Variants in MAOB observed in about 807,000 individuals in gnomAD.
MAOB encodes the protein amine oxidase [flavin-containing] B.
MAOB carries 15 observed loss-of-function variants against 41.9 expected under a neutral mutation model. That is an observed-to-expected ratio of 0.36 (90% confidence interval 0.24 to 0.55). The LOEUF (loss-of-function observed/expected upper bound fraction) is 0.55. Among genes scored for constraint, MAOB ranks in the 20% least tolerant of loss-of-function variants. MAOB has a pLI of 0.86. For missense variants in MAOB, 345 were observed against 398.7 expected, an observed-to-expected ratio of 0.87 and a Z score of 1.15; for synonymous variants, 167 against 144.2, an observed-to-expected ratio of 1.16 and a Z score of -1.13.
At chrX:43,780,434 G>C in intron 9 of MAOB, 39 bp from the exon 10 acceptor site, 2 of 1,055,664 alleles carry the variant, frequency 1.9e-6, no homozygotes, top group Non-Finnish European at 2.6e-6. Context: ...GAAATTAATG[G>C]TTGGTTTCAT....
Position 43,869,805 on chromosome X carries a change from G to A in MAOB, c.46+12449C>T, listed in dbSNP as rs140800061. ...AGTAGCACATATCAAAAGGTTCATC[G>A]TCAAAACCCTACAGAACACCCCCTC... On this transcript the variant is annotated intron_variant, in intron 1 of 14. Transcript: ENST00000378069. Among the ~76,000 whole-genome samples the A allele has an allele frequency of 8.1e-5, 9 of 111,585 alleles. No homozygotes were observed. In the East Asian group the frequency reaches 1.7e-3, roughly 21 times the overall value.
At chrX:43,814,800 TAAG>T (rs2034788818) in intron 3 of MAOB, among the ~76,000 whole-genome samples, 1 of 112,299 alleles carries the variant, frequency 8.9e-6, no homozygotes. Flanking sequence ...AGTACTAAAA[TAAG>T]AAGAATTCTT....
chrX:43,876,040 C>T (rs1347736694), intron 1 of MAOB, among the ~76,000 whole-genome samples: 2 of 111,502 alleles, frequency 1.8e-5, no homozygotes, highest in Non-Finnish European at 3.8e-5. Context: ...CTCACTGTAA[C>T]CTCTGCCTCC....
chrX:43,839,629 T>C (rs2035109777), intron 2 of MAOB, among the ~76,000 whole-genome samples: 2 of 112,168 alleles, frequency 1.8e-5, no homozygotes, highest in East Asian at 5.6e-4. Context: ...ATGGTCCTTC[T>C]CTTCTGTTTT....
intron 3 of MAOB, among the ~76,000 whole-genome samples, chrX:43,806,415 T>C: frequency 8.9e-6 from 1 of 112,092 alleles, no homozygotes; most frequent in Non-Finnish European, 1.9e-5. Context: ...AAGTTACTTT[T>C]TTCATTTTTA....
At chrX:43,787,718 T>C (rs1159907298) in intron 8 of MAOB, among the ~76,000 whole-genome samples, 1 of 112,137 alleles carries the variant, frequency 8.9e-6, no homozygotes, top group African/African-American at 3.2e-5. Flanking sequence ...GTGAAAAAGG[T>C]CAGTGGAACA....
intron 2 of MAOB, 101 bp from the exon 3 acceptor site, chrX:43,839,106 G>A: frequency 1.7e-6 from 1 of 605,477 alleles, no homozygotes; most frequent in Admixed American, 4.1e-5. Flanking sequence ...ACAAGTTATA[G>A]ATACAGCTTA....
At chrX:43,871,923 T>C (rs750315423) in intron 1 of MAOB, among the ~76,000 whole-genome samples, 4 of 111,309 alleles carry the variant, frequency 3.6e-5, no homozygotes, top group Non-Finnish European at 5.7e-5. Context: ...AGGATTTGAA[T>C]GCAAAATACA....
chrX:43,840,924 G>A (rs1204871539), intron 2 of MAOB, among the ~76,000 whole-genome samples: 1 of 104,444 alleles, frequency 9.6e-6, no homozygotes, highest in Non-Finnish European at 2.0e-5. Flanking sequence ...TATCCAAGTG[G>A]TGCCTGGAAC....
intron 12 of MAOB, among the ~76,000 whole-genome samples, 198 bp downstream of exon 12, chrX:43,774,977 C>A (rs910062097): frequency 9.1e-6 from 1 of 109,443 alleles, no homozygotes; most frequent in Non-Finnish European, 1.9e-5. Flanking sequence ...AAAGCAGCAC[C>A]ATGATGTATG....
chrX:43,853,286 A>AG (rs1333236610), intron 1 of MAOB, among the ~76,000 whole-genome samples: 18 of 107,999 alleles, frequency 1.7e-4, no homozygotes, highest in Non-Finnish European at 3.3e-4. Flanking sequence ...AAAAAAAAAA[A>AG]AAAGAAAAGA....
chrX:43,767,360 C>CTTTAATTATT lies in MAOB; in HGVS notation c.*105_*106insAATAATTAAA. ...TTGGATTTATCTTCATGCTCCCCGC[C>CTTTAATTATT]TCACTCCACACTATTTGTCTTCATG... is the stretch of plus-strand genomic sequence containing the variant. On this transcript the variant is annotated 3_prime_UTR_variant, in exon 15 of 15. Transcript: ENST00000378069. The CTTTAATTATT allele has an allele frequency of 1.3e-6, 1 of 796,248 alleles. No individual in the cohort carries two copies. Among genetic ancestry groups the CTTTAATTATT allele is most frequent in the Admixed American group, 3.3e-5 (1 of 30,235 alleles). The allele number at this position is 796,248 out of a possible 1,213,427, so 65.6% of individuals were successfully genotyped here.
At chrX:43,790,871 G>A (rs1350768254) in intron 8 of MAOB, among the ~76,000 whole-genome samples, 1 of 111,878 alleles carries the variant, frequency 8.9e-6, no homozygotes, top group African/African-American at 3.3e-5. Flanking sequence ...CTGGCACATA[G>A]CAGGCCTAAG....
intron 1 of MAOB, among the ~76,000 whole-genome samples, chrX:43,856,875 C>T (rs1041631339): frequency 1.9e-5 from 2 of 106,773 alleles, no homozygotes; most frequent in East Asian, 3.0e-4. Flanking sequence ...TAAGTGGACC[C>T]GAGCAGTTCA....
chrX:43,867,675 T>C (rs2035374413), intron 1 of MAOB, among the ~76,000 whole-genome samples: 1 of 112,521 alleles, frequency 8.9e-6, no homozygotes, highest in South Asian at 3.7e-4. Flanking sequence ...ACATTCCTTT[T>C]CTTATCATGC....
At position 43,786,952 on chromosome X, in the gene MAOB, C is replaced by T. The variant is rs772701068; in HGVS notation, c.929-5408G>A. On this transcript the variant is annotated intron_variant, in intron 8 of 14. Transcript: ENST00000378069. Reference sequence around the variant, plus strand: ...AGAAAGCTCAAGAGCCCCACCCATGCACACAAAACATCTCATCAGCTTTGT... The same window carrying T: ...AGAAAGCTCAAGAGCCCCACCCATGTACACAAAACATCTCATCAGCTTTGT... 6.3e-5 allele frequency among the ~76,000 whole-genome samples: 7 copies of T among 111,801 alleles called. No homozygotes were observed. The East Asian group carries it at 2.0e-3, about 32-fold the overall frequency.
intron 8 of MAOB, 100 bp downstream of exon 8, chrX:43,793,318 CT>C: frequency 1.6e-6 from 1 of 623,016 alleles, no homozygotes; most frequent in South Asian, 3.3e-5. Context: ...ACATGTACCC[CT>C]GAATCTAAAA....
intron 1 of MAOB, among the ~76,000 whole-genome samples, chrX:43,873,901 T>C (rs753702387): frequency 2.3e-4 from 26 of 111,487 alleles, no homozygotes; most frequent in African/African-American, 7.2e-4. Context: ...GGGCTCGGTC[T>C]CCTGACCTCG....
intron 8 of MAOB, among the ~76,000 whole-genome samples, chrX:43,784,397 CT>C (rs1220084134): frequency 2.7e-5 from 3 of 112,438 alleles, no homozygotes; most frequent in Non-Finnish European, 5.6e-5. Context: ...GATCCATGGG[CT>C]GCAGAATGGA....
Sources: gnomAD v4.1 joint callset for allele counts (sites outside exome capture counted in the v4.1 genomes callset) on GRCh38, gnomAD v4.1.1 for gene constraint, MANE v1.5 for transcripts, NCBI Gene and HGNC (gene_info 2026-07-23, HGNC 2026-07-21) for gene names.